Variants in CAMK1D observed in about 807,000 individuals in gnomAD.
The protein encoded by CAMK1D is calcium/calmodulin dependent protein kinase ID.
A neutral mutation model predicts 47.7 loss-of-function variants in CAMK1D; 9 were observed. The observed-to-expected ratio is 0.19, with a 90% CI of 0.11 to 0.33. The LOEUF (loss-of-function observed/expected upper bound fraction) is 0.33, where lower values mean the gene tolerates loss of function less well. CAMK1D is among the 10% of genes least tolerant of loss of function. The probability of loss-of-function intolerance (pLI) is 1.00; values close to 1 mark genes in which losing one functional copy is unlikely to be tolerated. For missense variants in CAMK1D, 291 were observed against 488.7 expected (o/e 0.60, Z 3.81); for synonymous variants, 184 against 184.9 (o/e 0.99, Z 0.04).
chr10:12,468,718 C>T (rs1833662843), intron 1 of CAMK1D, among the ~76,000 whole-genome samples: 2 of 152,104 alleles, frequency 1.3e-5, no homozygotes, highest in South Asian at 2.1e-4. Flanking sequence ...GATGGGCGGA[C>T]GTGGAGTAGT....
At chr10:12,742,238 C>G (rs1300033774) in intron 3 of CAMK1D, among the ~76,000 whole-genome samples, 3 of 152,228 alleles carry the variant, frequency 2.0e-5, no homozygotes, top group African/African-American at 7.2e-5. Flanking sequence ...TGGGCTCAAA[C>G]CATCCTTCCA....
At chr10:12,487,870 A>C (rs1381593391) in intron 1 of CAMK1D, among the ~76,000 whole-genome samples, 1 of 152,170 alleles carries the variant, frequency 6.6e-6, no homozygotes, top group Non-Finnish European at 1.5e-5. Flanking sequence ...ATAGCATAAA[A>C]ATACCTATTT....
At chr10:12,419,214 A>G (rs546536556) in intron 1 of CAMK1D, among the ~76,000 whole-genome samples, 1 of 152,096 alleles carries the variant, frequency 6.6e-6, no homozygotes, top group Non-Finnish European at 1.5e-5. Flanking sequence ...AACAGCCATG[A>G]TCTCATGAAT....
rs1029063822 is a variant in CAMK1D, at chr10:12,542,023, C to T, written c.93-11202C>T. 2.0e-5 allele frequency among the ~76,000 whole-genome samples: 3 copies of T among 152,168 alleles called. 1 individual carries two copies. The Middle Eastern group carries it at 0.01, about 518-fold the overall frequency. On this transcript the variant is annotated intron_variant, in intron 1 of 10. Transcript: ENST00000619168. ...GTGAGTAGCTGGGACAATAGGCATG[C>T]ACCACCATGGCAGGATAATTTTTGA...
chr10:12,535,809 CCCA>C (rs1340503047), intron 1 of CAMK1D, among the ~76,000 whole-genome samples: 1 of 152,146 alleles, frequency 6.6e-6, no homozygotes, highest in Non-Finnish European at 1.5e-5. Context: ...TTACTGTTTA[CCCA>C]CCACACTAAG....
chr10:12,736,607 A>C (rs1835200113), intron 3 of CAMK1D, among the ~76,000 whole-genome samples: 2 of 152,232 alleles, frequency 1.3e-5, no homozygotes, highest in Admixed American at 6.5e-5. Flanking sequence ...AAAATGAATA[A>C]GAAATCTAGT....
At chr10:12,683,741 GGTGTGT>G (rs10554443) in intron 3 of CAMK1D, among the ~76,000 whole-genome samples, 25,952 of 144,822 alleles carry the variant, frequency 0.18, 2,494 homozygotes, top group South Asian at 0.28. Flanking sequence ...TAGGAATCCA[GGTGTGT>G]GTGTGTGTGT....
chr10:12,430,374 C>T (rs1385681780), intron 1 of CAMK1D, among the ~76,000 whole-genome samples: 2 of 152,232 alleles, frequency 1.3e-5, no homozygotes, highest in Non-Finnish European at 2.9e-5. Flanking sequence ...CGGAACAGGT[C>T]TGTGGGTCCT....
chr10:12,455,686 A>G (rs1258462445), intron 1 of CAMK1D, among the ~76,000 whole-genome samples: 2 of 152,192 alleles, frequency 1.3e-5, no homozygotes, highest in African/African-American at 2.4e-5. Context: ...CCAGTTTGGG[A>G]CAATATGAAG....
chr10:12,414,131 T>A (rs1839765211), intron 1 of CAMK1D, among the ~76,000 whole-genome samples: 1 of 152,218 alleles, frequency 6.6e-6, no homozygotes, highest in African/African-American at 2.4e-5. Flanking sequence ...AAAACCATAA[T>A]ATAATAAATG....
chr10:12,413,892 T>A lies in CAMK1D; in HGVS notation c.92+63982T>A, dbSNP rs192641202. Among the ~76,000 whole-genome samples the A allele has an allele frequency of 3.6e-4, 55 of 152,212 alleles. 1 individual carries two copies. In the East Asian group the frequency reaches 8.7e-3, roughly 24 times the overall value. On this transcript the variant is annotated intron_variant, in intron 1 of 10. Coordinates refer to ENST00000619168, the MANE Select transcript of CAMK1D (RefSeq NM_153498.4). The stretch of plus-strand genomic sequence containing the variant: ...AAATGAGAAAGATAATGCAGTGGGG[T>A]TTTTAGAAATCCAAATGTATTAAAT...
chr10:12,368,943 G>A (rs545269022), intron 1 of CAMK1D, among the ~76,000 whole-genome samples: 4 of 152,064 alleles, frequency 2.6e-5, no homozygotes, highest in African/African-American at 7.2e-5. Context: ...TCAGGCTCCC[G>A]AGTAGCTGGG....
chr10:12,732,318 A>G (rs1304993889), intron 3 of CAMK1D, among the ~76,000 whole-genome samples: 1 of 152,206 alleles, frequency 6.6e-6, no homozygotes, highest in Non-Finnish European at 1.5e-5. Flanking sequence ...TGAGGTTTGT[A>G]GGTATCAAGA....
intron 2 of CAMK1D, among the ~76,000 whole-genome samples, chr10:12,639,042 C>A (rs964381390): frequency 1.3e-5 from 2 of 152,256 alleles, no homozygotes; most frequent in Non-Finnish European, 2.9e-5. Flanking sequence ...CAATACATAG[C>A]TCATTCCTGG....
intron 3 of CAMK1D, among the ~76,000 whole-genome samples, chr10:12,670,434 A>G (rs1431379431): frequency 6.6e-6 from 1 of 151,954 alleles, no homozygotes; most frequent in Non-Finnish European, 1.5e-5. Flanking sequence ...TACATGTAAT[A>G]TGAATATTTT....
chr10:12,816,314 A>G lies in CAMK1D; in HGVS notation c.819A>G (p.Ala273=). ...DPNKRYTCEQ[A]ARHPWIAGDT... is the part of the protein sequence containing the mutation. ...ATAAAAGATACACGTGTGAGCAGGC[A>G]GCTCGGCACCCATGGTAAGGAAATG... Residue 273 remains alanine (A), a synonymous_variant, in exon 8 of 11, where the codon GCA becomes GCG. Coordinates refer to ENST00000619168, the MANE Select transcript of CAMK1D (RefSeq NM_153498.4). 1 of 1,613,594 alleles carries G rather than the reference A, an allele frequency of 6.2e-7. No individual in the cohort carries two copies.
chr10:12,801,038 C>T (rs1046279691), intron 6 of CAMK1D, among the ~76,000 whole-genome samples: 1 of 152,122 alleles, frequency 6.6e-6, no homozygotes, highest in Non-Finnish European at 1.5e-5. Context: ...GCTCCTCTCT[C>T]CACCTCAACA....
intron 2 of CAMK1D, among the ~76,000 whole-genome samples, chr10:12,654,386 C>T (rs925933683): frequency 2.2e-4 from 34 of 152,114 alleles, no homozygotes; most frequent in African/African-American, 8.0e-4. Flanking sequence ...TGTTTCAAGG[C>T]GGGTAAACAC....
At chr10:12,521,513 A>T (rs890870821) in intron 1 of CAMK1D, among the ~76,000 whole-genome samples, 1 of 152,182 alleles carries the variant, frequency 6.6e-6, no homozygotes, top group Non-Finnish European at 1.5e-5. Flanking sequence ...AGTTTGATTT[A>T]TATATGTAGT....
Sources: gnomAD v4.1 joint callset for allele counts (sites outside exome capture counted in the v4.1 genomes callset) on GRCh38, gnomAD v4.1.1 for gene constraint, MANE v1.5 for transcripts, NCBI Gene and HGNC (gene_info 2026-07-23, HGNC 2026-07-21) for gene names.